Variants in MICU1 observed in about 807,000 individuals in gnomAD.
MICU1 encodes calcium uptake protein 1, mitochondrial.
Under a neutral mutation model 56.8 loss-of-function variants are expected in MICU1, and 45 were observed. That is an observed-to-expected ratio of 0.79 (90% CI 0.62 to 1.02). The LOEUF (loss-of-function observed/expected upper bound fraction) is 1.02. MICU1 is among the 50% of genes least tolerant of loss of function. The pLI, the probability that MICU1 is intolerant of heterozygous loss-of-function variation, is 0.00. For synonymous variants in MICU1, 186 were observed against 195.1 expected (o/e 0.95, Z 0.39); for missense variants, 504 against 587.1 (o/e 0.86, Z 1.46).
intron 4 of MICU1, among the ~76,000 whole-genome samples, chr10:72,540,070 C>G (rs1442439253): frequency 1.3e-5 from 2 of 151,900 alleles, no homozygotes; most frequent in Non-Finnish European, 2.9e-5. Context: ...GAGTTCAAGA[C>G]CAATCTGACC....
chr10:72,450,279 A>T (rs186527755), intron 8 of MICU1, among the ~76,000 whole-genome samples: 21 of 152,112 alleles, frequency 1.4e-4, no homozygotes, highest in Admixed American at 1.3e-4. Flanking sequence ...GAGCGATAAA[A>T]ACAAGGTAAC....
chr10:72,625,266 T>C (rs1842199735), intron 1 of MICU1, among the ~76,000 whole-genome samples: 1 of 152,212 alleles, frequency 6.6e-6, no homozygotes, highest in African/African-American at 2.4e-5. Context: ...TACTTATATT[T>C]ACTAATGGCC....
intron 9 of MICU1, among the ~76,000 whole-genome samples, chr10:72,420,543 G>GTTAGATT (rs946397296): frequency 3.3e-5 from 5 of 152,132 alleles, no homozygotes; most frequent in African/African-American, 9.7e-5. Context: ...TTAGTGCCAG[G>GTTAGATT]TTAGATTCTT....
At chr10:72,574,761 G>C (rs1375313155) in intron 1 of MICU1, among the ~76,000 whole-genome samples, 7 of 152,072 alleles carry the variant, frequency 4.6e-5, no homozygotes, top group Non-Finnish European at 7.4e-5. Flanking sequence ...AGTGAGGAAA[G>C]GATAAAGGGA....
At chr10:72,482,179 A>C (rs1866320394) in intron 6 of MICU1, among the ~76,000 whole-genome samples, 1 of 152,218 alleles carries the variant, frequency 6.6e-6, no homozygotes, top group Non-Finnish European at 1.5e-5. Flanking sequence ...AAAATGCATA[A>C]GGAATGGTAC....
chr10:72,520,911 T>C (rs1334066395), intron 5 of MICU1, among the ~76,000 whole-genome samples: 1 of 152,154 alleles, frequency 6.6e-6, no homozygotes, highest in African/African-American at 2.4e-5. Flanking sequence ...ATGTTATTTC[T>C]GCATACTAGC....
chr10:72,448,426 G>A (rs979746438), intron 8 of MICU1, among the ~76,000 whole-genome samples: 1 of 150,736 alleles, frequency 6.6e-6, no homozygotes, highest in Non-Finnish European at 1.5e-5. Context: ...CGCCCACCTT[G>A]GCCTCCCAAA....
chr10:72,456,848 T>C (rs1865473701), intron 8 of MICU1, among the ~76,000 whole-genome samples: 1 of 120,370 alleles, frequency 8.3e-6, no homozygotes, highest in Non-Finnish European at 1.7e-5. Context: ...CCGGGCTCAT[T>C]TTGTGTGTGT....
intron 10 of MICU1, among the ~76,000 whole-genome samples, chr10:72,386,903 AC>A (rs1398982384): frequency 6.6e-6 from 1 of 151,890 alleles, no homozygotes; most frequent in Non-Finnish European, 1.5e-5. Context: ...ACTATACCAA[AC>A]TCCATAAATT....
At chr10:72,381,961 T>TAC (rs1180116551) in intron 10 of MICU1, among the ~76,000 whole-genome samples, 6 of 72,648 alleles carry the variant, frequency 8.3e-5, no homozygotes, top group South Asian at 1.0e-3. Flanking sequence ...TATATATATC[T>TAC]ATACACACAC....
At chr10:72,401,084 G>A (rs540172140) in intron 10 of MICU1, among the ~76,000 whole-genome samples, 1 of 152,048 alleles carries the variant, frequency 6.6e-6, no homozygotes, top group Non-Finnish European at 1.5e-5. Context: ...CTACAGGTGT[G>A]TGCCACTGAG....
intron 10 of MICU1, among the ~76,000 whole-genome samples, chr10:72,382,005 C>CACAT (rs1491080424): frequency 1.4e-5 from 2 of 143,020 alleles, no homozygotes; most frequent in African/African-American, 5.3e-5. Context: ...CACACACACA[C>CACAT]ATTAAGATGG....
rs553234009 is a variant in MICU1, at chr10:72,425,109, T to C, written c.934-1738A>G. ...TAAATGGGCATACTTTTTGCAATGT[T>C]TAAATCAGATTTTCAGTGAAATCTG... is the stretch of plus-strand genomic sequence containing the variant. On this transcript the variant is annotated intron_variant, in intron 8 of 11. Coordinates refer to ENST00000361114, the MANE Select transcript of MICU1 (RefSeq NM_001195518.2). Among the ~76,000 whole-genome samples the C allele has an allele frequency of 3.3e-5, 5 of 152,362 alleles. No homozygotes were observed. The East Asian group carries it at 7.7e-4, about 24-fold the overall frequency.
At chr10:72,542,074 G>T (rs575879528) in intron 4 of MICU1, among the ~76,000 whole-genome samples, 10 of 152,122 alleles carry the variant, frequency 6.6e-5, no homozygotes, top group Non-Finnish European at 1.3e-4. Context: ...ATCCCCTAGG[G>T]AAAGACAATG....
chr10:72,510,969 A>C (rs1280533172), intron 5 of MICU1, among the ~76,000 whole-genome samples: 1 of 152,176 alleles, frequency 6.6e-6, no homozygotes, highest in East Asian at 1.9e-4. Context: ...AAATTGTCCC[A>C]ATAATTTCCT....
In MICU1 at chr10:72,551,057, T is replaced by C. The variant is rs548990429; in HGVS notation, c.493+122A>G. On this transcript the variant is annotated intron_variant, in intron 4 of 11. Transcript: ENST00000361114. ...GCCTAGCACAATGCCTGATATTCAATAGACACACTGTTCATATCATCATTA... is the reference window on the plus strand; with the variant it reads ...GCCTAGCACAATGCCTGATATTCAACAGACACACTGTTCATATCATCATTA... The C allele has an allele frequency of 8.6e-5, 84 of 971,230 alleles. No individual in the cohort carries two copies. In the South Asian group the frequency reaches 1.1e-3, roughly 12 times the overall value. The allele number at this position is 971,230 out of a possible 1,614,324, so 60.2% of individuals were successfully genotyped here.
At chr10:72,521,070 C>T (rs1281298684) in intron 5 of MICU1, among the ~76,000 whole-genome samples, 1 of 152,020 alleles carries the variant, frequency 6.6e-6, no homozygotes, top group Non-Finnish European at 1.5e-5. Flanking sequence ...TGTTTTTAGT[C>T]ACTTGGGTTA....
chr10:72,389,386 T>C (rs1036309756), intron 10 of MICU1, among the ~76,000 whole-genome samples: 11 of 152,158 alleles, frequency 7.2e-5, no homozygotes, highest in Non-Finnish European at 1.6e-4. Context: ...CAAAAGAAAC[T>C]GAGACCATTT....
intron 10 of MICU1, among the ~76,000 whole-genome samples, chr10:72,406,620 A>AAG (rs889754004): frequency 1.3e-5 from 2 of 151,632 alleles, no homozygotes; most frequent in African/African-American, 4.8e-5. Context: ...AAAAAAAAAA[A>AAG]AGAGAGAGAT....
Sources: allele counts gnomAD v4.1 joint callset (sites outside exome capture counted in the v4.1 genomes callset), GRCh38; gene constraint gnomAD v4.1.1; transcripts MANE v1.5; gene names NCBI Gene and HGNC (gene_info 2026-07-23, HGNC 2026-07-21).